The following KIAA1549L variants were observed in gnomAD, a reference collection of about 807,000 sequenced individuals.
KIAA1549L encodes the protein KIAA1549 like, also known as UPF0606 protein KIAA1549L.
A neutral mutation model predicts 160.7 loss-of-function variants in KIAA1549L; 88 were observed. That is an observed-to-expected ratio of 0.55 (90% CI 0.46 to 0.65). KIAA1549L has a LOEUF of 0.65. Among genes scored for constraint, KIAA1549L ranks in the 30% least tolerant of loss-of-function variants. The probability of loss-of-function intolerance (pLI) is 0.00; values close to 1 mark genes in which losing one functional copy is unlikely to be tolerated. For missense variants in KIAA1549L, 2,258 were observed against 2,437.5 expected, an observed-to-expected ratio of 0.93 and a Z score of 1.55; for synonymous variants, 950 against 976.7, an observed-to-expected ratio of 0.97 and a Z score of 0.51.
chr11:33,584,978 G>T (rs1590369001), intron 11 of KIAA1549L, among the ~76,000 whole-genome samples: 1 of 152,150 alleles, frequency 6.6e-6, no homozygotes, highest in Non-Finnish European at 1.5e-5. Flanking sequence ...GCATGCCTTA[G>T]TTCTTTCTTG....
chr11:33,595,470 C>G (rs997076505), intron 12 of KIAA1549L, among the ~76,000 whole-genome samples: 15 of 152,276 alleles, frequency 9.9e-5, no homozygotes, highest in African/African-American at 3.6e-4. Context: ...CTCAAGTGAT[C>G]TGCCCACCTT....
chr11:33,506,970 T>A (rs1194481970), intron 1 of KIAA1549L, among the ~76,000 whole-genome samples: 2 of 152,152 alleles, frequency 1.3e-5, no homozygotes, highest in African/African-American at 4.8e-5. Flanking sequence ...AGTCCCAGGT[T>A]TGAGGCTCTT....
intron 1 of KIAA1549L, among the ~76,000 whole-genome samples, chr11:33,501,774 A>T (rs763856473): frequency 2.0e-5 from 3 of 152,134 alleles, no homozygotes; most frequent in Non-Finnish European, 4.4e-5. Flanking sequence ...TGAGTATCTT[A>T]CCTTTATTGA....
At chr11:33,465,175 C>T (rs1386032226) in intron 1 of KIAA1549L, among the ~76,000 whole-genome samples, 1 of 151,140 alleles carries the variant, frequency 6.6e-6, no homozygotes, top group African/African-American at 2.4e-5. Flanking sequence ...CCTGCCTCAG[C>T]CTCCCAAGTA....
At chr11:33,382,830 T>G (rs1850098439) in intron 1 of KIAA1549L, among the ~76,000 whole-genome samples, 1 of 152,038 alleles carries the variant, frequency 6.6e-6, no homozygotes, top group Non-Finnish European at 1.5e-5. Flanking sequence ...CTCCCTGCCC[T>G]GGGACTTCCC....
At chr11:33,440,553 A>G (rs1384537714) in intron 1 of KIAA1549L, among the ~76,000 whole-genome samples, 2 of 152,222 alleles carry the variant, frequency 1.3e-5, no homozygotes, top group Non-Finnish European at 2.9e-5. Context: ...CCCTCATTTT[A>G]TACAATATAT....
intron 8 of KIAA1549L, among the ~76,000 whole-genome samples, chr11:33,565,860 C>CA (rs1215649844): frequency 1.3e-5 from 2 of 151,682 alleles, no homozygotes; most frequent in Non-Finnish European, 2.9e-5. Flanking sequence ...TCTACAAAAA[C>CA]AAAAAATAGC....
intron 17 of KIAA1549L, among the ~76,000 whole-genome samples, chr11:33,652,088 G>A (rs889987874): frequency 3.3e-5 from 5 of 151,170 alleles, no homozygotes; most frequent in Admixed American, 3.3e-4. Context: ...TGGCCAGAGG[G>A]CAGGGACCCC....
intron 1 of KIAA1549L, among the ~76,000 whole-genome samples, chr11:33,484,495 G>A (rs1234824603): frequency 3.9e-5 from 6 of 152,188 alleles, no homozygotes; most frequent in African/African-American, 1.2e-4. Context: ...ATTTATAGTC[G>A]GAGTGGACTT....
intron 1 of KIAA1549L, among the ~76,000 whole-genome samples, chr11:33,473,621 G>A (rs75500967): frequency 0.029 from 4,353 of 152,182 alleles, 162 homozygotes; most frequent in East Asian, 0.17. Flanking sequence ...TGTGTTCTCC[G>A]CTTCCGAGCA....
rs1849950648 is a variant in KIAA1549L, at chr11:33,376,284, C to A, written c.-368C>A. The stretch of plus-strand genomic sequence containing the variant: ...ACCCGAGCGCGCCCCGCGGCCGCCA[C>A]CCCCGTTCCCGGCAGCCTCGCCCCC... On this transcript the variant is annotated 5_prime_UTR_variant, in exon 1 of 21. Transcript: ENST00000658780. This position sits in a 1 kb window ranked among gnomAD's most constrained non-coding sequence, Gnocchi z 5.8. Among the ~76,000 whole-genome samples the A allele has an allele frequency of 6.7e-6, 1 of 148,654 alleles. No individual in the cohort carries two copies. The highest frequency in any genetic ancestry group is 1.5e-5 in the Non-Finnish European group (1 of 66,818).
rs1484261489 is a variant in KIAA1549L, at chr11:33,552,288, A to G, written c.3855+47A>G. 8 of 1,567,090 alleles carry G rather than the reference A, an allele frequency of 5.1e-6. No individual in the cohort carries two copies. In the Admixed American group the frequency reaches 5.6e-5, roughly 11 times the overall value. On this transcript the variant is annotated intron_variant, in intron 6 of 20. Coordinates refer to ENST00000658780, the MANE Select transcript of KIAA1549L (RefSeq NM_012194.3). Reference sequence around the variant, plus strand: ...GCTGTGTAGTTGACAGACAACCACAATGCAGAGTCTGGCAAGAAATGACTT... The same window carrying G: ...GCTGTGTAGTTGACAGACAACCACAGTGCAGAGTCTGGCAAGAAATGACTT...
At chr11:33,579,472 G>A (rs1855563213) in intron 10 of KIAA1549L, among the ~76,000 whole-genome samples, 1 of 151,972 alleles carries the variant, frequency 6.6e-6, no homozygotes, top group Admixed American at 6.6e-5. Flanking sequence ...GTATTATATG[G>A]GTTCTTCTCA....
chr11:33,659,781 T>G (rs1308765060), intron 19 of KIAA1549L, among the ~76,000 whole-genome samples: 1 of 152,166 alleles, frequency 6.6e-6, no homozygotes, highest in African/African-American at 2.4e-5. Flanking sequence ...TGCTGGCAGG[T>G]CAGGGGTGTT....
At chr11:33,633,127 C>A (rs1369961481) in intron 16 of KIAA1549L, among the ~76,000 whole-genome samples, 1 of 148,970 alleles carries the variant, frequency 6.7e-6, no homozygotes, top group East Asian at 1.9e-4. Context: ...AGGTGCCCAC[C>A]ACCATGCCCA....
At chr11:33,403,493 CATAG>C (rs779637992) in intron 1 of KIAA1549L, 4 of 148,544 alleles carry the variant, frequency 2.7e-5, no homozygotes, top group Non-Finnish European at 4.4e-5. Context: ...ATCAGACACA[CATAG>C]ACACACAGAC....
In KIAA1549L at chr11:33,471,301, C is replaced by T. The variant is rs573295263; in HGVS notation, c.239-70501C>T. Among the ~76,000 whole-genome samples, 103 of 151,864 alleles carry T rather than the reference C, an allele frequency of 6.8e-4. 1 individual carries two copies. The highest frequency in any genetic ancestry group is 2.5e-3 in the African/African-American group (102 of 41,362). On this transcript the variant is annotated intron_variant, in intron 1 of 20. Transcript: ENST00000658780. ...TCTCTAGCACCTGCTTCTGGGTGTG[C>T]CCTCTTGAGTTCTTGCCCCATGTCA... is the stretch of plus-strand genomic sequence containing the variant.
Position 33,661,001 on chromosome 11 carries a change from A to G in KIAA1549L, c.6146A>G (p.Gln2049Arg), listed in dbSNP as rs202018144. Residue 2049 changes from glutamine to arginine, a missense_variant, in exon 20 of 21, where the codon CAG becomes CGG. By Grantham distance (43) the Gln-to-Arg change is conservative. This residue lies in a region of KIAA1549L where 1,359 missense variants were observed against 1,546.6 expected (regional missense o/e 0.88). Coordinates refer to ENST00000658780, the MANE Select transcript of KIAA1549L (RefSeq NM_012194.3). ...GCAGGAGAGAATGAGCTCCCGAGCC[A>G]GTGGGCAGATTCGGTGAGACCCTTG... is the stretch of plus-strand genomic sequence containing the variant. Reference protein sequence around the residue: ...SYAGENELPSQWADSVPLPGY... With the variant: ...SYAGENELPSRWADSVPLPGY... 9.7e-5 allele frequency: 157 copies of G among 1,610,386 alleles called. No individual in the cohort carries two copies. In the African/African-American group the frequency reaches 1.9e-3, roughly 20 times the overall value.
chr11:33,383,594 T>C (rs2134035543), intron 1 of KIAA1549L, among the ~76,000 whole-genome samples: 1 of 152,298 alleles, frequency 6.6e-6, no homozygotes, highest in Admixed American at 6.5e-5. Context: ...CTCCACTAGA[T>C]GCTGGGGGTA....
Sources: gnomAD v4.1 joint callset for allele counts (sites outside exome capture counted in the v4.1 genomes callset) on GRCh38, gnomAD v4.1.1 for gene constraint, gnomAD v4.1.1 regional missense constraint, Gnocchi (gnomAD v3.1) non-coding constraint, MANE v1.5 for transcripts, NCBI Gene and HGNC (gene_info 2026-07-23, HGNC 2026-07-21) for gene names.